CROCC2: variants seen among roughly 807,000 people sequenced by gnomAD.
The protein encoded by CROCC2 is ciliary rootlet coiled-coil, rootletin family member 2.
Under a neutral mutation model 177.6 loss-of-function variants are expected in CROCC2, and 163 were observed. The ratio of observed to expected loss-of-function variants is 0.92; its 90% CI spans 0.81 to 1.05. CROCC2 has a LOEUF of 1.05. Ranked by LOEUF, CROCC2 falls within the 50% of genes least tolerant of loss-of-function variation. CROCC2 has a pLI of 0.00. For synonymous variants in CROCC2, 904 were observed against 787.3 expected (o/e 1.15, Z -2.48); for missense variants, 1,929 against 1,797.8 (o/e 1.07, Z -1.32).
intron 28 of CROCC2, chr2:240,983,508 C>A (rs1377352790): frequency 8.0e-7 from 1 of 1,244,462 alleles, no homozygotes; most frequent in East Asian, 7.0e-5. Flanking sequence ...CAGGAGCAGA[C>A]GGCGGCGCTG....
intron 3 of CROCC2, among the ~76,000 whole-genome samples, chr2:240,920,632 C>A (rs2059352338): frequency 6.6e-6 from 1 of 152,246 alleles, no homozygotes; most frequent in Admixed American, 6.5e-5. Flanking sequence ...TGAGGCTGGC[C>A]GGGGCCGCTT....
At position 240,991,270 on chromosome 2, in the gene CROCC2, G is replaced by T. The variant is rs1241950817; in HGVS notation, c.4938G>T (p.Gln1646His). The T allele has an allele frequency of 6.5e-7, 1 of 1,548,524 alleles. No individual in the cohort carries two copies. The change falls in exon 31 of 32, where the codon CAG (glutamine) becomes CAT (histidine). Residue 1646 changes from glutamine (Q) to histidine (H), a missense_variant. This residue lies in a region of CROCC2 where 388 missense variants were observed against 352.7 expected (regional missense o/e 1.10). Transcript: ENST00000690015. ...RQQAHLGQAFQTGHAQRD is the reference protein window; with the variant it reads ...RQQAHLGQAFHTGHAQRD Reference sequence around the variant, plus strand: ...AGGCCCACCTCGGCCAGGCCTTCCAGACAGGACAGTGAGCCCTGCTGCATA... The same window carrying T: ...AGGCCCACCTCGGCCAGGCCTTCCATACAGGACAGTGAGCCCTGCTGCATA...
At chr2:240,967,021 C>T (rs2059688570) in intron 25 of CROCC2, among the ~76,000 whole-genome samples, 1 of 152,156 alleles carries the variant, frequency 6.6e-6, no homozygotes, top group Admixed American at 6.5e-5. Context: ...AGGGGCAGCC[C>T]CTACCGGTCC....
At chr2:240,938,203 A>T (rs2059480502) in intron 14 of CROCC2, among the ~76,000 whole-genome samples, 1 of 152,324 alleles carries the variant, frequency 6.6e-6, no homozygotes, top group South Asian at 2.1e-4. Context: ...TCTGGATTTT[A>T]ATTAGCCCTC....
chr2:240,964,707 G>A (rs1291139925), intron 22 of CROCC2, 82 bp downstream of exon 22: 1 of 1,445,920 alleles, frequency 6.9e-7, no homozygotes, highest in Non-Finnish European at 9.2e-7. Flanking sequence ...GGAGCCCCCA[G>A]CCCTGGCCTT....
chr2:240,964,509 C>T lies in CROCC2; in HGVS notation c.3349C>T (p.Leu1117=). ...GGAGAAGGAGCAGAAGCTGCTCATC[C>T]TGGAGGAGGCCCAGGCGGCGTTGCA... ...KEEKEQKLLI[L]EEAQAALQQE... is the part of the protein sequence containing the mutation. Residue 1117 remains leucine (L), a synonymous_variant, in exon 22 of 32, where the codon CTG becomes TTG. Transcript: ENST00000690015. 6.5e-7 allele frequency: 1 copy of T among 1,549,178 alleles called. No homozygotes were observed. Among genetic ancestry groups the T allele is most frequent in the Non-Finnish European group, 8.7e-7 (1 of 1,146,876 alleles).
rs572908840 is a variant in CROCC2, at chr2:240,930,679, C to G, written c.750-252C>G. Among the ~76,000 whole-genome samples, 4 of 152,066 alleles carry G rather than the reference C, an allele frequency of 2.6e-5. No individual in the cohort carries two copies. In the South Asian group the frequency reaches 8.3e-4, roughly 32 times the overall value. ...TAGCAGCCCCTTGCGCAGGAGGAGT[C>G]GGGGGCTCAGAGGGTCGATGACTCG... On this transcript the variant is annotated intron_variant, in intron 6 of 31. Transcript: ENST00000690015.
At chr2:240,959,466 C>T (rs1461763503) in intron 20 of CROCC2, 22 bp downstream of exon 20, 1 of 1,547,226 alleles carries the variant, frequency 6.5e-7, no homozygotes, top group South Asian at 1.2e-5. Flanking sequence ...GGCTGGGGGG[C>T]TCCTGGGGAT....
intron 1 of CROCC2, among the ~76,000 whole-genome samples, chr2:240,910,382 T>A (rs957523909): frequency 2.1e-5 from 3 of 145,906 alleles, no homozygotes; most frequent in African/African-American, 5.0e-5. Context: ...CTCCCGTTCC[T>A]TGGCTTGAAT....
At chr2:240,991,154 T>C in intron 30 of CROCC2, 42 bp from the exon 31 acceptor site, 1 of 1,466,106 alleles carries the variant, frequency 6.8e-7, no homozygotes, top group South Asian at 1.4e-5. Flanking sequence ...GCCCTGGCCG[T>C]GCAGCCTGCC....
chr2:240,936,055 A>G (rs1397823473), intron 14 of CROCC2, among the ~76,000 whole-genome samples: 1 of 152,152 alleles, frequency 6.6e-6, no homozygotes, highest in East Asian at 1.9e-4. Flanking sequence ...TGCCTCGTTC[A>G]TCCGTGTGAA....
At chr2:240,943,947 T>C (rs2106466834) in intron 14 of CROCC2, among the ~76,000 whole-genome samples, 1 of 152,368 alleles carries the variant, frequency 6.6e-6, no homozygotes, top group African/African-American at 2.4e-5. Flanking sequence ...ATCTCTCTAA[T>C]GCTTTTAAAC....
intron 20 of CROCC2, among the ~76,000 whole-genome samples, chr2:240,961,803 A>ACACTCACACTCACACACG (rs879366140): frequency 0.49 from 36,878 of 75,846 alleles, 12,368 homozygotes; most frequent in African/African-American, 0.67. Flanking sequence ...ACTCACACAT[A>ACACTCACACTCACACACG]CACTCACATA....
chr2:240,920,171 T>TCAA (rs2059349645), intron 3 of CROCC2, 37 bp downstream of exon 3: 4 of 617,850 alleles, frequency 6.5e-6, no homozygotes, highest in Non-Finnish European at 1.2e-5. Flanking sequence ...AGGCGGGAGG[T>TCAA]GGCAGCCTGG....
At chr2:240,919,020 A>G (rs557682598) in intron 2 of CROCC2, 144 bp downstream of exon 2, 107 of 566,694 alleles carry the variant, frequency 1.9e-4, no homozygotes, top group African/African-American at 1.3e-3. Flanking sequence ...CGTGGGGGAC[A>G]GTCCTGGGCC....
intron 25 of CROCC2, 23 bp from the exon 26 acceptor site, chr2:240,967,322 C>A (rs1204647014): frequency 4.5e-6 from 3 of 670,250 alleles, no homozygotes; most frequent in Non-Finnish European, 8.4e-6. Flanking sequence ...ACTGCCCCCG[C>A]TGACCTCAGT....
rs1248762889 is a variant in CROCC2 at position 240,933,715 on chromosome 2, GGCAGATGCT to G, written c.1518_1526del (p.Ala507_Ala509del). ...TGGTGGTGGAGGAGCTGAAAGGGAA[GGCAGATGCT>G]GCAGATGCGGAGAAGCAGGGGCTGG... On this transcript the variant is annotated inframe_deletion, in exon 11 of 32. Coordinates refer to ENST00000690015, the MANE Select transcript of CROCC2 (RefSeq NM_001351305.2). The G allele has an allele frequency of 6.5e-7, 1 of 1,550,266 alleles. No individual in the cohort carries two copies. The highest frequency in any genetic ancestry group is 1.4e-5 in the African/African-American group (1 of 73,056).
intron 4 of CROCC2, 149 bp from the exon 5 acceptor site, chr2:240,925,575 G>C: frequency 1.7e-6 from 1 of 603,382 alleles, no homozygotes; most frequent in South Asian, 2.0e-5. Flanking sequence ...TGGCAGGTGG[G>C]GGCAGAGCAG....
chr2:240,949,966 G>GT lies in CROCC2; in HGVS notation c.2652+265dup, dbSNP rs955115096. 6.6e-4 allele frequency among the ~76,000 whole-genome samples: 101 copies of GT among 152,280 alleles called. No individual in the cohort carries two copies. The highest frequency in any genetic ancestry group is 2.4e-3 in the African/African-American group (98 of 41,556). On this transcript the variant is annotated intron_variant, in intron 17 of 31. Transcript: ENST00000690015. The surrounding 1 kb of genome is among the most constrained non-coding windows in gnomAD (Gnocchi z 4.5). ...GCTGGAAGGGCTGCTGGCTGGTCTG[G>GT]TGCAGTCTGAAGGATGAGGGCTGGA...
Sources: allele counts gnomAD v4.1 joint callset (sites outside exome capture counted in the v4.1 genomes callset), GRCh38; gene constraint gnomAD v4.1.1; regional missense constraint gnomAD v4.1.1; non-coding constraint Gnocchi (gnomAD v3.1); transcripts MANE v1.5; gene names NCBI Gene and HGNC (gene_info 2026-07-23, HGNC 2026-07-21).